Variants in ARMCX4 observed in about 807,000 individuals in gnomAD.
The protein encoded by ARMCX4 is armadillo repeat-containing X-linked protein 4.
A neutral mutation model predicts 34.7 loss-of-function variants in ARMCX4; 3 were observed. The ratio of observed to expected loss-of-function variants is 0.09; its 90% CI spans 0.04 to 0.22. The LOEUF is 0.22. ARMCX4 is among the 10% of genes least tolerant of loss of function. The pLI is 1.00. For missense variants in ARMCX4, 1,448 were observed against 1,720.8 expected, an observed-to-expected ratio of 0.84 and a Z score of 2.81; for synonymous variants, 513 against 632.8, an observed-to-expected ratio of 0.81 and a Z score of 2.84.
intron 2 of ARMCX4, among the ~76,000 whole-genome samples, chrX:101,437,323 T>A (rs1454270494): frequency 9.0e-6 from 1 of 111,669 alleles, no homozygotes; most frequent in Non-Finnish European, 1.9e-5. Flanking sequence ...CAATTTCAGA[T>A]CCTGTTATTG....
rs1320874905 is a variant in ARMCX4 at position 101,488,913 on chromosome X, G to A, written c.324G>A (p.Gly108=). ...RANSQAKAMV[G]AEPETQSESK... ...ACTCTCAGGCCAAGGCAATGGTTGG[G>A]GCAGAGCCAGAGACTCAATCTGAGT... Residue 108 remains glycine (G), a synonymous_variant, in exon 6 of 6, where the codon GGG becomes GGA. Transcript: ENST00000423738. The A allele has an allele frequency of 2.6e-6, 3 of 1,154,785 alleles. No homozygotes were observed. The African/African-American group carries it at 5.4e-5, about 21-fold the overall frequency.
intron 4 of ARMCX4, among the ~76,000 whole-genome samples, chrX:101,458,596 C>A (rs1556000745): frequency 9.4e-6 from 1 of 106,717 alleles, no homozygotes; most frequent in African/African-American, 3.4e-5. Context: ...AAGCAATTCT[C>A]GTGTCTCAGC....
At chrX:101,438,312 C>T (rs1930955983) in intron 2 of ARMCX4, among the ~76,000 whole-genome samples, 1 of 111,928 alleles carries the variant, frequency 8.9e-6, no homozygotes, top group East Asian at 2.8e-4. Context: ...CGCCTGTAAT[C>T]CCAGCACTTT....
In ARMCX4 at chrX:101,491,104, G is replaced by A; in HGVS notation, c.2515G>A (p.Glu839Lys). 1 of 1,156,453 alleles carries A rather than the reference G, an allele frequency of 8.6e-7. No individual in the cohort carries two copies. Among genetic ancestry groups the A allele is most frequent in the Non-Finnish European group, 1.1e-6 (1 of 873,074 alleles). Residue 839 changes from glutamate (E) to lysine (K), a missense_variant, in exon 6 of 6, where the codon GAA becomes AAA. Transcript: ENST00000423738. ...CCAGGCTGTGGCCAATTCCCAGGGT[G>A]AAGTCTTGCCTGGTGCCAAGAATAA... Reference protein sequence around the residue: ...QPQAVANSQGEVLPGAKNKVK... With the variant: ...QPQAVANSQGKVLPGAKNKVK...
At chrX:101,438,876 G>A (rs1555995914) in intron 2 of ARMCX4, among the ~76,000 whole-genome samples, 1 of 111,260 alleles carries the variant, frequency 9.0e-6, no homozygotes, top group Non-Finnish European at 1.9e-5. Flanking sequence ...CTGCATGTGA[G>A]ATGGGTTTCC....
chrX:101,485,563 G>A, intron 1 of ARMCX4, 33 bp downstream of exon 1: 1 of 288,894 alleles, frequency 3.5e-6, no homozygotes, highest in Non-Finnish European at 4.6e-6. Context: ...GCCCTGGCCA[G>A]GCCGGCAGAA....
Position 101,487,228 on chromosome X carries a change from T to C in ARMCX4, c.-331T>C, listed in dbSNP as rs782072080. On this transcript the variant is annotated 5_prime_UTR_variant, in exon 3 of 6. Transcript: ENST00000423738. The stretch of plus-strand genomic sequence containing the variant: ...AGGCCTGCAGTAGGGCTGTTTACCA[T>C]TGGAAGCAAGGGAAAGAGGAGGAGA... 1 of 122,632 alleles carries C rather than the reference T, an allele frequency of 8.2e-6. No homozygotes were observed. Among genetic ancestry groups the C allele is most frequent in the South Asian group, 2.9e-4 (1 of 3,414 alleles). The allele number at this position is 122,632 out of a possible 1,213,427, so 10.1% of individuals were successfully genotyped here. A position where few individuals can be genotyped will look rare whatever the true frequency, so the allele number is the denominator to read the frequency against.
intron 2 of ARMCX4, among the ~76,000 whole-genome samples, chrX:101,432,415 C>A (rs1460501780): frequency 9.0e-6 from 1 of 111,568 alleles, no homozygotes; most frequent in Non-Finnish European, 1.9e-5. Context: ...GTAATCCCAG[C>A]ACTTTGGGAG....
intron 4 of ARMCX4, among the ~76,000 whole-genome samples, chrX:101,464,280 G>A (rs182503212): frequency 6.3e-5 from 7 of 111,314 alleles, no homozygotes; most frequent in African/African-American, 2.3e-4. Flanking sequence ...GGAGCCTGGG[G>A]CAGGAGAATC....
chrX:101,474,544 G>C (rs1343129618), intron 4 of ARMCX4, among the ~76,000 whole-genome samples: 1 of 101,568 alleles, frequency 9.8e-6, no homozygotes, highest in Non-Finnish European at 2.0e-5. Flanking sequence ...GATGAACATT[G>C]ATGCAAAAAT....
intron 4 of ARMCX4, among the ~76,000 whole-genome samples, chrX:101,455,788 G>A (rs901343893): frequency 9.0e-6 from 1 of 111,058 alleles, no homozygotes; most frequent in African/African-American, 3.3e-5. Context: ...TACTTGATAG[G>A]TAGTTTTTCA....
At chrX:101,517,169 C>T (rs188210873) in intron 11 of ARMCX4, among the ~76,000 whole-genome samples, 33 of 111,682 alleles carry the variant, frequency 3.0e-4, no homozygotes, top group Admixed American at 4.8e-4. Flanking sequence ...TATGTAGTGT[C>T]TGTTTTACTG....
chrX:101,475,734 T>C (rs1172990625), intron 4 of ARMCX4, among the ~76,000 whole-genome samples: 1 of 111,617 alleles, frequency 9.0e-6, no homozygotes, highest in Non-Finnish European at 1.9e-5. Flanking sequence ...GAGTAGAATT[T>C]CAGACTGAAA....
chrX:101,426,934 G>GT (rs1929657679), intron 2 of ARMCX4, among the ~76,000 whole-genome samples: 1 of 111,959 alleles, frequency 8.9e-6, no homozygotes, highest in Non-Finnish European at 1.9e-5. Flanking sequence ...TACATTGTTG[G>GT]TTTTATGCTT....
At chrX:101,466,908 A>G (rs903060455) in intron 4 of ARMCX4, among the ~76,000 whole-genome samples, 24 of 112,226 alleles carry the variant, frequency 2.1e-4, no homozygotes, top group African/African-American at 7.1e-4. Context: ...CCCTTTTGCT[A>G]ATTTGTAATT....
chrX:101,515,604 T>C (rs1934728574), intron 11 of ARMCX4, among the ~76,000 whole-genome samples: 1 of 103,015 alleles, frequency 9.7e-6, no homozygotes, highest in Admixed American at 1.1e-4. Flanking sequence ...AGTGGTGCAA[T>C]CTTGGCTCAC....
intron 4 of ARMCX4, among the ~76,000 whole-genome samples, chrX:101,472,601 C>T (rs1386939317): frequency 4.1e-5 from 2 of 49,072 alleles, no homozygotes; most frequent in Admixed American, 2.7e-4. Context: ...AGACTAACAG[C>T]GGATCTCTCG....
chrX:101,521,330 G>A (rs142351492), intron 11 of ARMCX4, among the ~76,000 whole-genome samples: 1,671 of 111,273 alleles, frequency 0.015, 30 homozygotes, highest in African/African-American at 0.052. Context: ...TTTCATATAT[G>A]ATATCTAATT....
chrX:101,490,727 T>C lies in ARMCX4; in HGVS notation c.2138T>C (p.Val713Ala), dbSNP rs1556008591. The C allele has an allele frequency of 8.7e-7, 1 of 1,154,194 alleles. No homozygotes were observed. The highest frequency in any genetic ancestry group is 3.3e-5 in the East Asian group (1 of 30,649). Residue 713 changes from valine (V) to alanine (A), a missense_variant, in exon 6 of 6, where the codon GTG becomes GCG. Physicochemically the swap from Val to Ala is moderately conservative, Grantham distance 64. Around this residue, in one of 2 missense-constraint regions of ARMCX4, gnomAD observed 1,343 missense variants for 1,540.7 expected, o/e 0.87. Coordinates refer to ENST00000423738, the MANE Select transcript of ARMCX4 (RefSeq NM_001256155.3). ...ACAGGCTCTGTCCAGCCCCAGATTG[T>C]GGCCAATTCCCAGGGTGAGGTCTTG... ...DTTGSVQPQI[V>A]ANSQGEVLPG...
Sources: gnomAD v4.1 joint callset for allele counts (sites outside exome capture counted in the v4.1 genomes callset) on GRCh38, gnomAD v4.1.1 for gene constraint, gnomAD v4.1.1 regional missense constraint, MANE v1.5 for transcripts, NCBI Gene and HGNC (gene_info 2026-07-23, HGNC 2026-07-21) for gene names.